TBC1D19: variants seen among roughly 807,000 people sequenced by gnomAD.
TBC1D19 encodes TBC1 domain family, member 19.
Under a neutral mutation model 89.0 loss-of-function variants are expected in TBC1D19, and 60 were observed. That is an observed-to-expected ratio of 0.67 (90% CI 0.55 to 0.84). TBC1D19 has a LOEUF of 0.84. Ranked by LOEUF, TBC1D19 falls within the 40% of genes least tolerant of loss-of-function variation. The pLI is 0.00. For missense variants in TBC1D19, 500 were observed against 610.8 expected (o/e 0.82, Z 1.91); for synonymous variants, 189 against 199.7 (o/e 0.95, Z 0.45).
chr4:26,668,751 A>C (rs1712029554), intron 9 of TBC1D19, among the ~76,000 whole-genome samples: 1 of 151,920 alleles, frequency 6.6e-6, no homozygotes. Context: ...AGCGTGGCTT[A>C]AGGGAATTGT....
chr4:26,739,950 C>A lies in TBC1D19; in HGVS notation c.1204C>A (p.His402Asn). The A allele has an allele frequency of 1.3e-6, 2 of 1,592,354 alleles. No individual in the cohort carries two copies. The highest frequency in any genetic ancestry group is 1.7e-6 in the Non-Finnish European group (2 of 1,169,506). The change falls in exon 17 of 21, where the codon CAT (histidine) becomes AAT (asparagine). Residue 402 changes from histidine (H) to asparagine (N), a missense_variant. Physicochemically the swap from His to Asn is moderately conservative, Grantham distance 68 (BLOSUM62 1). Coordinates refer to ENST00000264866, the MANE Select transcript of TBC1D19 (RefSeq NM_018317.4). ...EMYVRFFFRLHSISSHPSGIV... is the reference protein window; with the variant it reads ...EMYVRFFFRLNSISSHPSGIV... ...GTATGTGCGTTTTTTCTTCAGACTC[C>A]ATTCCATCTCTTCTCATCCTTCTGT... is the stretch of plus-strand genomic sequence containing the variant.
rs199781527 is a variant in TBC1D19 at position 26,739,987 on chromosome 4, A to G, written c.1227+14A>G. ...TCTCATCCTTCTGTAAGTTCATAAG[A>G]AAAACTTGATCAAATTAGGTTGGAT... On this transcript the variant is annotated intron_variant, in intron 17 of 20. Coordinates refer to ENST00000264866, the MANE Select transcript of TBC1D19 (RefSeq NM_018317.4). 5.5e-5 allele frequency: 82 copies of G among 1,499,942 alleles called. No homozygotes were observed. In the East Asian group the frequency reaches 1.9e-3, roughly 35 times the overall value. The allele number at this position is 1,499,942 out of a possible 1,614,324, so 92.9% of individuals were successfully genotyped here.
intron 4 of TBC1D19, among the ~76,000 whole-genome samples, chr4:26,632,217 A>T (rs1236014950): frequency 6.6e-6 from 1 of 151,982 alleles, no homozygotes; most frequent in Non-Finnish European, 1.5e-5. Flanking sequence ...ACCCTTAAAC[A>T]ATGTGGGGTT....
chr4:26,613,226 T>A lies in TBC1D19; in HGVS notation c.157T>A (p.Phe53Ile), dbSNP rs750307231. The A allele has an allele frequency of 6.4e-7, 1 of 1,574,130 alleles. No individual in the cohort carries two copies. The highest frequency in any genetic ancestry group is 8.7e-7 in the Non-Finnish European group (1 of 1,155,998). ...ATCACTGAAAGAAGATATTAAGGAATTCTTTAAAATATCAGGTTTGTAAGT... is the reference window on the plus strand; with the variant it reads ...ATCACTGAAAGAAGATATTAAGGAAATCTTTAAAATATCAGGTTTGTAAGT... ...LESLKEDIKEFFKISGWEKKL... is the reference protein window; with the variant it reads ...LESLKEDIKEIFKISGWEKKL... Residue 53 changes from phenylalanine to isoleucine, a missense_variant, in exon 2 of 21, where the codon TTC becomes ATC. By Grantham distance (21) the Phe-to-Ile change is conservative. Coordinates refer to ENST00000264866, the MANE Select transcript of TBC1D19 (RefSeq NM_018317.4).
At chr4:26,604,913 C>G (rs1413422831) in intron 1 of TBC1D19, among the ~76,000 whole-genome samples, 1 of 151,620 alleles carries the variant, frequency 6.6e-6, no homozygotes, top group Non-Finnish European at 1.5e-5. Flanking sequence ...AATAAAAATG[C>G]TACTATGAAC....
the TBC1D19 span, among the ~76,000 whole-genome samples, chr4:26,770,797 A>G: frequency 6.6e-6 from 1 of 152,156 alleles, no homozygotes; most frequent in African/African-American, 2.4e-5. Flanking sequence ...GTAATATTAG[A>G]AATTGATAAC....
chr4:26,790,500 C>T, the TBC1D19 span, among the ~76,000 whole-genome samples: 23 of 152,204 alleles, frequency 1.5e-4, no homozygotes, highest in African/African-American at 5.3e-4. Context: ...CTGGAACATA[C>T]CTGATGAGCT....
chr4:26,770,210 A>G, the TBC1D19 span, among the ~76,000 whole-genome samples: 2 of 152,152 alleles, frequency 1.3e-5, no homozygotes, highest in African/African-American at 4.8e-5. Flanking sequence ...TACTGCCTTC[A>G]AGAAACCCAT....
At chr4:26,589,737 G>A (rs999426707) in intron 1 of TBC1D19, among the ~76,000 whole-genome samples, 6 of 152,128 alleles carry the variant, frequency 3.9e-5, no homozygotes, top group Non-Finnish European at 8.8e-5. Context: ...ATGAGGTTGA[G>A]GGTTTTTGTA....
At chr4:26,599,950 CAAAAAAAAAAAAAAA>C (rs36092049) in intron 1 of TBC1D19, among the ~76,000 whole-genome samples, 3 of 72,784 alleles carry the variant, frequency 4.1e-5, no homozygotes, top group Non-Finnish European at 7.1e-5. Flanking sequence ...TCTGTCTCTC[CAAAAAAAAAAAAAAA>C]AAAAAAAAAA....
intron 1 of TBC1D19, among the ~76,000 whole-genome samples, chr4:26,610,229 AT>A (rs1741277787): frequency 6.6e-6 from 1 of 151,878 alleles, no homozygotes; most frequent in African/African-American, 2.4e-5. Flanking sequence ...AAGTATATAA[AT>A]TTATATTTAT....
intron 7 of TBC1D19, among the ~76,000 whole-genome samples, chr4:26,652,699 G>C (rs181009562): frequency 2.0e-5 from 3 of 152,100 alleles, no homozygotes; most frequent in Admixed American, 2.0e-4. Flanking sequence ...TATTTCTGTG[G>C]GATCAGTGGT....
At chr4:26,704,150 A>G (rs1460926750) in intron 13 of TBC1D19, among the ~76,000 whole-genome samples, 1 of 152,136 alleles carries the variant, frequency 6.6e-6, no homozygotes, top group African/African-American at 2.4e-5. Flanking sequence ...TTTATTTTGC[A>G]TGAAATTCTT....
intron 2 of TBC1D19, among the ~76,000 whole-genome samples, chr4:26,613,451 G>A (rs1051763254): frequency 1.3e-5 from 2 of 152,012 alleles, no homozygotes; most frequent in African/African-American, 4.8e-5. Flanking sequence ...GGCTTTACTG[G>A]CCCAGTCAGA....
At chr4:26,627,886 T>A (rs1742535082) in intron 4 of TBC1D19, among the ~76,000 whole-genome samples, 1 of 152,034 alleles carries the variant, frequency 6.6e-6, no homozygotes, top group African/African-American at 2.4e-5. Flanking sequence ...AGCTCTTTAG[T>A]TTAATTAGAT....
chr4:26,579,271 A>G (rs76469952), upstream of TBC1D19, among the ~76,000 whole-genome samples: 2,818 of 152,266 alleles, frequency 0.019, 96 homozygotes, highest in African/African-American at 0.064. Context: ...AGAAGAAACC[A>G]TACATTCTTC....
At chr4:26,719,965 A>G in intron 14 of TBC1D19, 116 bp from the exon 15 acceptor site, 3 of 688,008 alleles carry the variant, frequency 4.4e-6, no homozygotes, top group Middle Eastern at 4.6e-4. Flanking sequence ...ATGAAATGAC[A>G]TATCAGTTTA....
chr4:26,611,261 C>T (rs1401382730), intron 1 of TBC1D19, among the ~76,000 whole-genome samples: 1 of 152,012 alleles, frequency 6.6e-6, no homozygotes, highest in South Asian at 2.1e-4. Context: ...ATATATGTCT[C>T]TAGATACTAT....
intron 11 of TBC1D19, among the ~76,000 whole-genome samples, chr4:26,678,190 C>T (rs998661469): frequency 4.6e-5 from 7 of 152,114 alleles, no homozygotes; most frequent in African/African-American, 1.7e-4. Context: ...GAGATGGTCT[C>T]AGATGGAGAT....
Sources: allele counts gnomAD v4.1 joint callset (sites outside exome capture counted in the v4.1 genomes callset), GRCh38; gene constraint gnomAD v4.1.1; transcripts MANE v1.5; gene names NCBI Gene and HGNC (gene_info 2026-07-23, HGNC 2026-07-21).